The following SKIL variants were observed in gnomAD, a reference collection of about 807,000 sequenced individuals.
SKIL encodes the protein ski-like protein.
Under a neutral mutation model 69.6 loss-of-function variants are expected in SKIL, and 20 were observed. The observed-to-expected ratio is 0.29, with a 90% confidence interval of 0.20 to 0.42. The LOEUF (loss-of-function observed/expected upper bound fraction) is 0.42, where lower values mean the gene tolerates loss of function less well. Ranked by LOEUF, SKIL falls within the 10% of genes least tolerant of loss-of-function variation. The pLI, the probability that SKIL is intolerant of heterozygous loss-of-function variation, is 1.00. For synonymous variants in SKIL, 310 were observed against 279.9 expected (o/e 1.11, Z -1.08); for missense variants, 745 against 783.1 (o/e 0.95, Z 0.58).
At chr3:170,367,249 CAG>C (rs1445217917) in intron 2 of SKIL, among the ~76,000 whole-genome samples, 1 of 151,976 alleles carries the variant, frequency 6.6e-6, no homozygotes, top group African/African-American at 2.4e-5. Flanking sequence ...GCTGGGACTA[CAG>C]GTACCCATCA....
chr3:170,377,575 G>A lies in SKIL; in HGVS notation c.1099-3669G>A, dbSNP rs1284490347. On this transcript the variant is annotated intron_variant, in intron 2 of 6. Transcript: ENST00000259119. ...TTTTTTTTTTTTTTTTTGAGACAGA[G>A]TCTCACTCTGTCACCCAGGCTGGAG... 2.7e-5 allele frequency among the ~76,000 whole-genome samples: 3 copies of A among 109,844 alleles called. No homozygotes were observed. In the South Asian group the frequency reaches 9.9e-4, roughly 36 times the overall value. The allele number at this position is 109,844 out of a possible 152,430, so 72.1% of individuals were successfully genotyped here. A position where few individuals can be genotyped will look rare whatever the true frequency, so the allele number is the denominator to read the frequency against.
At chr3:170,387,992 T>C (rs562111465) in intron 4 of SKIL, among the ~76,000 whole-genome samples, 1 of 151,524 alleles carries the variant, frequency 6.6e-6, no homozygotes, top group East Asian at 1.9e-4. Context: ...TGTAGAAGTT[T>C]AAGTGTAGAA....
In SKIL at chr3:170,390,707, T is replaced by C. The variant is rs901045669; in HGVS notation, c.1671+243T>C. 2.6e-5 allele frequency among the ~76,000 whole-genome samples: 4 copies of C among 152,080 alleles called. No individual in the cohort carries two copies. In the East Asian group the frequency reaches 7.7e-4, roughly 29 times the overall value. ...TCTCCATGCTGGCCAGGCTCGAACT[T>C]TTGACCTTGTGATCCACCAGCCTTG... On this transcript the variant is annotated intron_variant, in intron 5 of 6. Transcript: ENST00000259119.
In SKIL at chr3:170,391,073, A is replaced by G; in HGVS notation, c.1709A>G (p.Glu570Gly). Residue 570 changes from glutamate (E) to glycine (G), a missense_variant, in exon 6 of 7, where the codon GAA becomes GGA. By Grantham distance (98) the Glu-to-Gly change is moderately conservative. Coordinates refer to ENST00000259119, the MANE Select transcript of SKIL (RefSeq NM_005414.5). Reference protein sequence around the residue: ...KMLSSSKSMKELTEEQQNLQK... With the variant: ...KMLSSSKSMKGLTEEQQNLQK... ...TTGAGTAGTTCAAAATCTATGAAGG[A>G]ACTCACTGAAGAACAGCAGAATTTA... The G allele has an allele frequency of 6.2e-7, 1 of 1,601,080 alleles. No individual in the cohort carries two copies. Among genetic ancestry groups the G allele is most frequent in the Non-Finnish European group, 8.6e-7 (1 of 1,168,920 alleles).
At chr3:170,384,834 C>A in intron 4 of SKIL, 69 bp downstream of exon 4, 1 of 848,474 alleles carries the variant, frequency 1.2e-6, no homozygotes, top group Non-Finnish European at 1.8e-6. Flanking sequence ...CATTTTCAAA[C>A]AGGCTTTTTG....
At chr3:170,366,981 G>GA (rs983500587) in intron 2 of SKIL, among the ~76,000 whole-genome samples, 1 of 151,978 alleles carries the variant, frequency 6.6e-6, no homozygotes, top group Non-Finnish European at 1.5e-5. Context: ...ACGTTTGTAT[G>GA]AAAAAAAGAT....
chr3:170,375,772 G>T (rs891304118), intron 2 of SKIL, among the ~76,000 whole-genome samples: 2 of 151,946 alleles, frequency 1.3e-5, no homozygotes, highest in Non-Finnish European at 1.5e-5. Context: ...AGAGATGGGG[G>T]TCTCTCTATG....
chr3:170,358,578 C>T (rs756912802), intron 1 of SKIL: 1 of 152,698 alleles, frequency 6.5e-6, no homozygotes, highest in Non-Finnish European at 1.5e-5. Flanking sequence ...AGGTGTGTTC[C>T]TGTGGTGGAC....
chr3:170,391,158 T>C lies in SKIL; in HGVS notation c.1794T>C (p.Val598=), dbSNP rs748540483. ...EHAQRMEEFY[V]EQKDLEKKLE... ...CTCAAAGAATGGAAGAATTTTATGT[T>C]GAACAGAAAGACTTAGAGAAAAAAT... The change falls in exon 6 of 7, where the codon GTT becomes GTC. Residue 598 remains valine (V), a synonymous_variant. Coordinates refer to ENST00000259119, the MANE Select transcript of SKIL (RefSeq NM_005414.5). 1 of 1,611,222 alleles carries C rather than the reference T, an allele frequency of 6.2e-7. No homozygotes were observed.
intron 2 of SKIL, among the ~76,000 whole-genome samples, chr3:170,379,553 G>A (rs1737219142): frequency 1.3e-5 from 2 of 152,286 alleles, no homozygotes; most frequent in African/African-American, 4.8e-5. Context: ...GGGGATGAAG[G>A]GAGGACAAAG....
intron 2 of SKIL, among the ~76,000 whole-genome samples, chr3:170,367,900 C>CTT (rs1736623553): frequency 6.6e-6 from 1 of 152,150 alleles, no homozygotes; most frequent in African/African-American, 2.4e-5. Flanking sequence ...AAGATAGCAA[C>CTT]TTAAAAAATT....
chr3:170,384,744 A>G lies in SKIL; in HGVS notation c.1408A>G (p.Arg470Gly). The change falls in exon 4 of 7, where the codon AGA becomes GGA. Residue 470 changes from arginine (R) to glycine (G), a missense_variant. Transcript: ENST00000259119. Reference protein sequence around the residue: ...EQEKMDLKTSRELCSRLDASI... With the variant: ...EQEKMDLKTSGELCSRLDASI... ...GGAGAAAATGGATTTAAAAACAAGT[A>G]GAGAATTATGTAGCCGTTTAGGTAA... The G allele has an allele frequency of 6.3e-7, 1 of 1,583,282 alleles. No homozygotes were observed.
chr3:170,360,323 G>C lies in SKIL; in HGVS notation c.-9G>C. 1 of 1,539,242 alleles carries C rather than the reference G, an allele frequency of 6.5e-7. No individual in the cohort carries two copies. The highest frequency in any genetic ancestry group is 8.7e-7 in the Non-Finnish European group (1 of 1,148,864). On this transcript the variant is annotated 5_prime_UTR_variant, in exon 2 of 7. Transcript: ENST00000259119. ...TCTCAGACTTAATTATTTAACAGAAGAGTGTACCATGGAAAACCTCCAGAC... is the reference window on the plus strand; with the variant it reads ...TCTCAGACTTAATTATTTAACAGAACAGTGTACCATGGAAAACCTCCAGAC...
intron 4 of SKIL, among the ~76,000 whole-genome samples, chr3:170,387,782 A>C (rs1248323397): frequency 7.1e-6 from 1 of 141,814 alleles, no homozygotes; most frequent in Non-Finnish European, 1.5e-5. Context: ...AAATACAAAA[A>C]AATTAGCCGG....
chr3:170,360,440 C>T lies in SKIL; in HGVS notation c.109C>T (p.His37Tyr), dbSNP rs1320893792. ...PPAKKMITDIHANGKTINKVP... is the reference protein window; with the variant it reads ...PPAKKMITDIYANGKTINKVP... The stretch of plus-strand genomic sequence containing the variant: ...AGCGAAAAAAATGATAACGGACATT[C>T]ATGCAAATGGAAAAACGATAAACAA... Residue 37 changes from histidine (H) to tyrosine (Y), a missense_variant, in exon 2 of 7, where the codon CAT becomes TAT. By Grantham distance (83) the His-to-Tyr change is moderately conservative. Coordinates refer to ENST00000259119, the MANE Select transcript of SKIL (RefSeq NM_005414.5). 5 of 1,613,696 alleles carry T rather than the reference C, an allele frequency of 3.1e-6. No individual in the cohort carries two copies. In the South Asian group the frequency reaches 5.5e-5, roughly 18 times the overall value.
chr3:170,369,701 G>A (rs1736707058), intron 2 of SKIL, among the ~76,000 whole-genome samples: 1 of 151,944 alleles, frequency 6.6e-6, no homozygotes. Context: ...CGCACCCAGC[G>A]AATTGGGCTA....
intron 4 of SKIL, among the ~76,000 whole-genome samples, chr3:170,387,590 C>A (rs6786542): frequency 6.6e-6 from 1 of 151,358 alleles, no homozygotes; most frequent in East Asian, 1.9e-4. Context: ...CTTCGTCAGT[C>A]GGACATTTGC....
In SKIL at chr3:170,390,303, G is replaced by A; in HGVS notation, c.1510G>A (p.Val504Met). The A allele has an allele frequency of 6.2e-7, 1 of 1,613,966 alleles. No individual in the cohort carries two copies. The highest frequency in any genetic ancestry group is 8.5e-7 in the Non-Finnish European group (1 of 1,179,876). Residue 504 changes from valine (V) to methionine (M), a missense_variant, in exon 5 of 7, where the codon GTG (valine) becomes ATG (methionine). Coordinates refer to ENST00000259119, the MANE Select transcript of SKIL (RefSeq NM_005414.5). ...CAACTTAGTCAGAGACATAAACAAAGTGGGAATTGGCCTTGTTGCTGCCGC... is the reference window on the plus strand; with the variant it reads ...CAACTTAGTCAGAGACATAAACAAAATGGGAATTGGCCTTGTTGCTGCCGC... ...TCNLVRDINK[V>M]GIGLVAAASS... is the part of the protein sequence containing the mutation.
chr3:170,381,404 GCACTA>G, intron 3 of SKIL, 63 bp downstream of exon 3: 3 of 824,428 alleles, frequency 3.6e-6, no homozygotes, highest in Non-Finnish European at 6.5e-6. Flanking sequence ...TATATGCCAT[GCACTA>G]TTCTAGGACA....
Sources: gnomAD v4.1 joint callset for allele counts (sites outside exome capture counted in the v4.1 genomes callset) on GRCh38, gnomAD v4.1.1 for gene constraint, MANE v1.5 for transcripts, NCBI Gene and HGNC (gene_info 2026-07-23, HGNC 2026-07-21) for gene names.